The following DCK variants were observed in gnomAD, a reference collection of about 807,000 sequenced individuals.
DCK encodes the protein deoxycytidine kinase, also known as deoxyadenosine kinase.
In DCK, 23 loss-of-function variants were observed where a neutral mutation model predicts 38.3. That is an observed-to-expected ratio of 0.60 (90% CI 0.43 to 0.85). DCK has a LOEUF of 0.85. Among genes scored for constraint, DCK ranks in the 40% least tolerant of loss-of-function variants. The pLI is 0.00. For missense variants in DCK, 259 were observed against 304.4 expected (o/e 0.85, Z 1.11); for synonymous variants, 108 against 100.6 (o/e 1.07, Z -0.44).
Position 71,030,343 on chromosome 4 carries a change from T to G in DCK, c.*965T>G, listed in dbSNP as rs1233102392. On this transcript the variant is annotated 3_prime_UTR_variant, in exon 7 of 7. Transcript: ENST00000286648. Reference sequence around the variant, plus strand: ...GTTAAGGTGTGCAGTGTTTTTCCTGTGTATTAAACCTTTCCATTTTACGTT... The same window carrying G: ...GTTAAGGTGTGCAGTGTTTTTCCTGGGTATTAAACCTTTCCATTTTACGTT... 6.6e-6 allele frequency: 1 copy of G among 152,196 alleles called. No individual in the cohort carries two copies. The highest frequency in any genetic ancestry group is 1.5e-5 in the Non-Finnish European group (1 of 68,014). 9.4% of individuals were successfully genotyped at this position (152,196 alleles called of 1,614,324 possible).
intron 2 of DCK, among the ~76,000 whole-genome samples, chr4:71,013,561 G>C (rs927136600): frequency 2.0e-5 from 3 of 152,148 alleles, no homozygotes; most frequent in Non-Finnish European, 4.4e-5. Context: ...AGTGGATCTC[G>C]CGGCAGAAAC....
chr4:71,005,233 C>T lies in DCK; in HGVS notation c.207+7051C>T, dbSNP rs542343167. On this transcript the variant is annotated intron_variant, in intron 2 of 6. Coordinates refer to ENST00000286648, the MANE Select transcript of DCK (RefSeq NM_000788.3). ...GCTAGGGGAGGGAGTTCCCCCACCCCTTTCACCTTCCAGGTGAGGCGATGC... is the reference window on the plus strand; with the variant it reads ...GCTAGGGGAGGGAGTTCCCCCACCCTTTTCACCTTCCAGGTGAGGCGATGC... 5.3e-4 allele frequency among the ~76,000 whole-genome samples: 80 copies of T among 151,996 alleles called. No homozygotes were observed. In the South Asian group the frequency reaches 0.013, roughly 24 times the overall value.
At chr4:71,018,390 A>T (rs1243379785) in intron 2 of DCK, among the ~76,000 whole-genome samples, 1 of 152,076 alleles carries the variant, frequency 6.6e-6, no homozygotes. Context: ...GGCCTCCCAA[A>T]GTGCTAGGAT....
chr4:71,004,139 T>G (rs1739878320), intron 2 of DCK, among the ~76,000 whole-genome samples: 1 of 152,226 alleles, frequency 6.6e-6, no homozygotes, highest in African/African-American at 2.4e-5. Flanking sequence ...AGATGGGGTT[T>G]TTGCGTGGTT....
intron 2 of DCK, chr4:71,006,205 C>G (rs1281132676): frequency 5.5e-6 from 1 of 181,270 alleles, no homozygotes; most frequent in African/African-American, 2.4e-5. Context: ...ACCTTTCAAG[C>G]CTTTTGTCAT....
chr4:71,002,786 C>CT lies in DCK; in HGVS notation c.207+4612dup, dbSNP rs995204670. Among the ~76,000 whole-genome samples the CT allele has an allele frequency of 3.3e-5, 5 of 151,682 alleles. No homozygotes were observed. In the South Asian group the frequency reaches 8.3e-4, roughly 25 times the overall value. ...CTGAGACTAGGATTGCAACCCCTGC[C>CT]TTTTTTTTGCTTTCCATTTGCTTGG... On this transcript the variant is annotated intron_variant, in intron 2 of 6. Transcript: ENST00000286648.
intron 1 of DCK, among the ~76,000 whole-genome samples, chr4:70,994,260 A>T (rs1739608943): frequency 6.6e-6 from 1 of 151,956 alleles, no homozygotes; most frequent in Non-Finnish European, 1.5e-5. Flanking sequence ...CATTAAATTC[A>T]CCCTTTTTAG....
chr4:70,998,891 C>A (rs1264413135), intron 2 of DCK, among the ~76,000 whole-genome samples: 2 of 151,244 alleles, frequency 1.3e-5, no homozygotes, highest in Non-Finnish European at 2.9e-5. Context: ...CCACTGTGCT[C>A]CAGCCTGGGT....
At chr4:71,013,805 A>G (rs1050112260) in intron 2 of DCK, among the ~76,000 whole-genome samples, 1 of 152,234 alleles carries the variant, frequency 6.6e-6, no homozygotes, top group Non-Finnish European at 1.5e-5. Flanking sequence ...CTGCAAAAAC[A>G]TGCCAAATTG....
intron 2 of DCK, among the ~76,000 whole-genome samples, chr4:70,998,979 C>T (rs1342588839): frequency 1.3e-5 from 2 of 150,810 alleles, no homozygotes; most frequent in Non-Finnish European, 3.0e-5. Flanking sequence ...AAGATTTATG[C>T]ACTTTAAGTA....
At chr4:71,002,152 G>T (rs1739817930) in intron 2 of DCK, among the ~76,000 whole-genome samples, 2 of 152,202 alleles carry the variant, frequency 1.3e-5, no homozygotes, top group African/African-American at 4.8e-5. Context: ...CTGTGTCCCA[G>T]AGATTGTGGT....
intron 2 of DCK, among the ~76,000 whole-genome samples, chr4:71,018,123 T>C (rs1740318320): frequency 1.2e-5 from 1 of 86,944 alleles, no homozygotes; most frequent in Middle Eastern, 6.0e-3. Context: ...TTCTAGATTA[T>C]TTCTTTTTTT....
At chr4:71,002,464 A>G (rs1027772372) in intron 2 of DCK, among the ~76,000 whole-genome samples, 1 of 152,168 alleles carries the variant, frequency 6.6e-6, no homozygotes, top group African/African-American at 2.4e-5. Flanking sequence ...AGAGTTCTCT[A>G]GATGTCTTTC....
chr4:71,015,753 C>G (rs1190886762), intron 2 of DCK, among the ~76,000 whole-genome samples: 1 of 152,158 alleles, frequency 6.6e-6, no homozygotes, highest in African/African-American at 2.4e-5. Context: ...TAAAAACTCT[C>G]AATAAATTAG....
intron 2 of DCK, among the ~76,000 whole-genome samples, chr4:71,022,124 A>G (rs1740440957): frequency 6.6e-6 from 1 of 152,232 alleles, no homozygotes. Flanking sequence ...GGACCAAACA[A>G]TGATTTCTTC....
intron 4 of DCK, among the ~76,000 whole-genome samples, chr4:71,025,140 G>A (rs748735360): frequency 4.2e-4 from 64 of 152,014 alleles, no homozygotes; most frequent in Admixed American, 1.3e-4. Context: ...CAAATTATAC[G>A]AAATTTTTTA....
At position 71,023,571 on chromosome 4, in the gene DCK, A is replaced by G; in HGVS notation, c.414A>G (p.Ala138=). The change falls in exon 4 of 7, where the codon GCA becomes GCG. Residue 138 remains alanine (A), a synonymous_variant. Coordinates refer to ENST00000286648, the MANE Select transcript of DCK (RefSeq NM_000788.3). The part of the protein sequence containing the change: ...RSVYSDRYIF[A]SNLYESECMN... ...GACTCTCTTTTAGGTATATTTTTGC[A>G]TCTAATTTGTATGAATCTGAATGCA... The G allele has an allele frequency of 6.3e-7, 1 of 1,592,588 alleles. No individual in the cohort carries two copies. Among genetic ancestry groups the G allele is most frequent in the Non-Finnish European group, 8.6e-7 (1 of 1,167,364 alleles).
At chr4:71,002,658 A>G (rs923749331) in intron 2 of DCK, among the ~76,000 whole-genome samples, 4 of 152,112 alleles carry the variant, frequency 2.6e-5, no homozygotes, top group African/African-American at 9.7e-5. Context: ...TTGGGTGCAT[A>G]TCTATTTAGG....
chr4:71,020,950 G>C (rs1369619780), intron 2 of DCK, among the ~76,000 whole-genome samples: 4 of 151,942 alleles, frequency 2.6e-5, no homozygotes, highest in Admixed American at 2.6e-4. Flanking sequence ...TTATAATCTG[G>C]GTGATATTTT....
Sources: allele counts gnomAD v4.1 joint callset (sites outside exome capture counted in the v4.1 genomes callset), GRCh38; gene constraint gnomAD v4.1.1; transcripts MANE v1.5; gene names NCBI Gene and HGNC (gene_info 2026-07-23, HGNC 2026-07-21).